The following ARID5B variants were observed in gnomAD, a reference collection of about 807,000 sequenced individuals.
ARID5B encodes the protein AT-rich interaction domain 5B.
A neutral mutation model predicts 97.2 loss-of-function variants in ARID5B; 13 were observed. That is an observed-to-expected ratio of 0.13 (90% CI 0.09 to 0.21). The LOEUF is 0.21. Among genes scored for constraint, ARID5B ranks in the 10% least tolerant of loss-of-function variants. The pLI is 1.00. For synonymous variants in ARID5B, 556 were observed against 570.3 expected, an observed-to-expected ratio of 0.97 and a Z score of 0.36; for missense variants, 1,210 against 1,465.3, an observed-to-expected ratio of 0.83 and a Z score of 2.84.
chr10:61,908,799 CAAAAAAAAAA>C (rs369792859), intron 2 of ARID5B, among the ~76,000 whole-genome samples: 7 of 51,004 alleles, frequency 1.4e-4, no homozygotes, highest in East Asian at 1.3e-3. Flanking sequence ...GACTCCATCT[CAAAAAAAAAA>C]AAAAAAAAAA....
intron 4 of ARID5B, among the ~76,000 whole-genome samples, chr10:62,040,318 T>A (rs1389294553): frequency 6.8e-6 from 1 of 147,292 alleles, no homozygotes; most frequent in Non-Finnish European, 1.5e-5. Context: ...TTAAGAAAAA[T>A]TTTTAGATAC....
At chr10:61,932,883 G>A (rs1178648741) in intron 2 of ARID5B, among the ~76,000 whole-genome samples, 1 of 152,110 alleles carries the variant, frequency 6.6e-6, no homozygotes, top group African/African-American at 2.4e-5. Flanking sequence ...ATTGCTTGAG[G>A]CTAGGAGTTT....
At chr10:61,984,263 A>G (rs1055352922) in intron 3 of ARID5B, among the ~76,000 whole-genome samples, 2 of 152,198 alleles carry the variant, frequency 1.3e-5, no homozygotes, top group Non-Finnish European at 2.9e-5. Context: ...AATGGAGGAT[A>G]GGACTGGGAG....
chr10:62,088,424 T>G (rs2132981403), intron 9 of ARID5B, among the ~76,000 whole-genome samples: 1 of 152,314 alleles, frequency 6.6e-6, no homozygotes, highest in Non-Finnish European at 1.5e-5. Context: ...GGTTTGTGAA[T>G]GGTAGGAGGA....
chr10:61,993,934 A>G (rs1838962375), intron 3 of ARID5B, among the ~76,000 whole-genome samples: 1 of 152,218 alleles, frequency 6.6e-6, no homozygotes, highest in South Asian at 2.1e-4. Flanking sequence ...TTTCAAAACT[A>G]GACATCAAGC....
intron 2 of ARID5B, among the ~76,000 whole-genome samples, chr10:61,934,072 C>T (rs915015752): frequency 4.6e-5 from 7 of 152,200 alleles, no homozygotes; most frequent in Non-Finnish European, 8.8e-5. Flanking sequence ...TCAGCATTTC[C>T]TGCTTTACCG....
intron 9 of ARID5B, among the ~76,000 whole-genome samples, chr10:62,088,374 G>A (rs546717606): frequency 5.9e-5 from 9 of 152,336 alleles, no homozygotes; most frequent in East Asian, 5.8e-4. Flanking sequence ...ACAGCTGACC[G>A]TTGAATATCT....
chr10:61,962,672 T>C (rs1356278673), intron 3 of ARID5B, among the ~76,000 whole-genome samples: 2 of 152,168 alleles, frequency 1.3e-5, no homozygotes, highest in Admixed American at 1.3e-4. Context: ...TGAATACAAA[T>C]ATTATGCAGG....
chr10:61,927,751 A>G (rs749115891), intron 2 of ARID5B, among the ~76,000 whole-genome samples: 1 of 152,238 alleles, frequency 6.6e-6, no homozygotes, highest in Non-Finnish European at 1.5e-5. Flanking sequence ...TATTTTGCCT[A>G]ATAAGGACAT....
chr10:62,078,067 TG>T (rs754689426), intron 8 of ARID5B, among the ~76,000 whole-genome samples: 22 of 152,260 alleles, frequency 1.4e-4, no homozygotes, highest in Admixed American at 4.6e-4. Context: ...GGAGAACTGT[TG>T]AACATTTCAG....
At chr10:61,945,831 C>T (rs1844489991) in intron 3 of ARID5B, among the ~76,000 whole-genome samples, 1 of 151,832 alleles carries the variant, frequency 6.6e-6, no homozygotes, top group Admixed American at 6.6e-5. Context: ...ACAAGGTTAG[C>T]TTATTTGTCC....
chr10:62,044,452 C>T (rs1839680837), intron 4 of ARID5B, among the ~76,000 whole-genome samples: 1 of 149,928 alleles, frequency 6.7e-6, no homozygotes. Flanking sequence ...ACAGTCTAGG[C>T]TCACTGCAGC....
chr10:62,039,107 C>G (rs1287857858), intron 4 of ARID5B, among the ~76,000 whole-genome samples: 1 of 152,142 alleles, frequency 6.6e-6, no homozygotes, highest in Non-Finnish European at 1.5e-5. Context: ...GACAGTTGCT[C>G]ATGAGTTAAT....
intron 7 of ARID5B, among the ~76,000 whole-genome samples, chr10:62,068,968 T>C (rs1175955874): frequency 6.6e-6 from 1 of 152,236 alleles, no homozygotes; most frequent in Admixed American, 6.5e-5. Context: ...GTAGCTAGCA[T>C]TTTAACTGTG....
At chr10:61,959,049 A>G (rs1838433618) in intron 3 of ARID5B, among the ~76,000 whole-genome samples, 2 of 152,232 alleles carry the variant, frequency 1.3e-5, no homozygotes, top group South Asian at 2.1e-4. Context: ...TTATCCTCTC[A>G]TTCACTATCC....
At chr10:62,047,426 G>A (rs911196255) in intron 4 of ARID5B, among the ~76,000 whole-genome samples, 6 of 152,136 alleles carry the variant, frequency 3.9e-5, no homozygotes, top group South Asian at 2.1e-4. Context: ...GTAACAGTAC[G>A]TCTATTGCTT....
At chr10:61,930,359 C>T (rs1193462261) in intron 2 of ARID5B, among the ~76,000 whole-genome samples, 1 of 152,066 alleles carries the variant, frequency 6.6e-6, no homozygotes, top group Non-Finnish European at 1.5e-5. Flanking sequence ...TAGTGAATAG[C>T]ATTGGAAGAC....
chr10:61,965,823 T>C (rs1204925760), intron 3 of ARID5B, among the ~76,000 whole-genome samples: 1 of 152,180 alleles, frequency 6.6e-6, no homozygotes, highest in African/African-American at 2.4e-5. Context: ...GAGGCCATAA[T>C]CTCAAAGAGG....
chr10:61,937,202 TC>T (rs1434160628), intron 2 of ARID5B, among the ~76,000 whole-genome samples: 10 of 152,258 alleles, frequency 6.6e-5, no homozygotes, highest in African/African-American at 2.4e-4. Context: ...TTACATCTTG[TC>T]TGAAGAAGGC....
Sources: gnomAD v4.1 joint callset for allele counts (sites outside exome capture counted in the v4.1 genomes callset) on GRCh38, gnomAD v4.1.1 for gene constraint, MANE v1.5 for transcripts, NCBI Gene and HGNC (gene_info 2026-07-23, HGNC 2026-07-21) for gene names.